Variants in LRRC53 observed in about 807,000 individuals in gnomAD.
LRRC53 encodes the protein leucine-rich repeat-containing protein 53.
In LRRC53, 25 loss-of-function variants were observed where a neutral mutation model predicts 13.6. The observed-to-expected ratio is 1.83, with a 90% CI of 1.34 to 2.56. The LOEUF (loss-of-function observed/expected upper bound fraction) is 2.56, where lower values mean the gene tolerates loss of function less well. Ranked by LOEUF, LRRC53 falls within the 30% of genes most tolerant of loss-of-function variation. The pLI is 0.00. For missense variants in LRRC53, 527 were observed against 275.8 expected (o/e 1.91, Z -6.45); for synonymous variants, 204 against 109.8 (o/e 1.86, Z -5.37).
At chr1:74,477,817 A>G (rs1352547154) in intron 3 of LRRC53, among the ~76,000 whole-genome samples, 1 of 152,202 alleles carries the variant, frequency 6.6e-6, no homozygotes, top group Non-Finnish European at 1.5e-5. Context: ...TTTCTTTGCC[A>G]TGGGCATTGT....
chr1:74,486,572 A>G (rs1668780746), intron 1 of LRRC53, among the ~76,000 whole-genome samples: 1 of 148,998 alleles, frequency 6.7e-6, no homozygotes, highest in Non-Finnish European at 1.5e-5. Context: ...GGGAAAGGCT[A>G]TAAATATAAT....
upstream of LRRC53, among the ~76,000 whole-genome samples, chr1:74,517,605 G>A (rs1248245743): frequency 6.6e-6 from 1 of 152,178 alleles, no homozygotes; most frequent in Non-Finnish European, 1.5e-5. Flanking sequence ...TAAGCATTAT[G>A]TATAATCTGC....
chr1:74,473,592 A>C (rs1668045132), intron 4 of LRRC53, among the ~76,000 whole-genome samples: 1 of 151,834 alleles, frequency 6.6e-6, no homozygotes, highest in South Asian at 2.1e-4. Context: ...CTTTTAGTAG[A>C]CAGGAGATGT....
chr1:74,507,187 A>G (rs1315289850), intron 1 of LRRC53, among the ~76,000 whole-genome samples: 2 of 151,878 alleles, frequency 1.3e-5, no homozygotes, highest in Non-Finnish European at 2.9e-5. Context: ...AAAATTTGCA[A>G]ATATCACACA....
At chr1:74,503,195 T>A (rs552794538) in intron 1 of LRRC53, among the ~76,000 whole-genome samples, 2 of 151,902 alleles carry the variant, frequency 1.3e-5, no homozygotes, top group African/African-American at 4.8e-5. Flanking sequence ...AGTCCAAGAG[T>A]TTTTCAGGGC....
the LRRC53 span, among the ~76,000 whole-genome samples, chr1:74,518,586 A>G: frequency 7.2e-4 from 110 of 152,250 alleles, 1 homozygote; most frequent in African/African-American, 2.5e-3. Context: ...GACGAAGCTT[A>G]TGGTTCCCGT....
At chr1:74,496,030 CA>C (rs1250704431) in intron 1 of LRRC53, among the ~76,000 whole-genome samples, 1 of 152,186 alleles carries the variant, frequency 6.6e-6, no homozygotes, top group African/African-American at 2.4e-5. Context: ...ACTTTGGCTG[CA>C]CATTAGAATC....
intron 1 of LRRC53, among the ~76,000 whole-genome samples, chr1:74,509,680 TAG>T (rs1557616529): frequency 6.6e-6 from 1 of 150,700 alleles, no homozygotes; most frequent in Non-Finnish European, 1.5e-5. Context: ...TGTTAAGGAA[TAG>T]AGTGTTGTGT....
intron 1 of LRRC53, among the ~76,000 whole-genome samples, chr1:74,488,474 G>A (rs1668878945): frequency 6.6e-6 from 1 of 152,080 alleles, no homozygotes; most frequent in African/African-American, 2.4e-5. Context: ...GAAATGATAG[G>A]GTGTATAGTT....
At chr1:74,473,656 A>G (rs1396828212) in intron 4 of LRRC53, among the ~76,000 whole-genome samples, 2 of 152,036 alleles carry the variant, frequency 1.3e-5, no homozygotes, top group Admixed American at 1.3e-4. Context: ...CCCAAGAGGT[A>G]AACTAAGTTC....
intron 1 of LRRC53, among the ~76,000 whole-genome samples, chr1:74,501,388 T>C (rs1468962890): frequency 6.6e-6 from 1 of 152,240 alleles, no homozygotes; most frequent in Non-Finnish European, 1.5e-5. Context: ...ACTTTTCTTC[T>C]TTTATTTCTT....
chr1:74,517,170 C>T (rs2100399779), upstream of LRRC53, among the ~76,000 whole-genome samples: 1 of 152,104 alleles, frequency 6.6e-6, no homozygotes, highest in African/African-American at 2.4e-5. Context: ...CTATATGCAA[C>T]ATATCTTGTA....
rs866736756 is a variant in LRRC53, at chr1:74,481,001, G to A, written c.89-33C>T. On this transcript the variant is annotated intron_variant, in intron 2 of 4. Transcript: ENST00000294635. ...GAAAAAAGCACAGACTAGATGCAGGGTACACATGAGTGGGAGGGAGGGGGT... is the reference window on the plus strand; with the variant it reads ...GAAAAAAGCACAGACTAGATGCAGGATACACATGAGTGGGAGGGAGGGGGT... 83 of 673,938 alleles carry A rather than the reference G, an allele frequency of 1.2e-4. No individual in the cohort carries two copies. The Middle Eastern group carries it at 6.1e-3, about 50-fold the overall frequency. The allele number at this position is 673,938 out of a possible 1,614,324, so 41.7% of individuals were successfully genotyped here. A position where few individuals can be genotyped will look rare whatever the true frequency, so the allele number is the denominator to read the frequency against.
intron 1 of LRRC53, among the ~76,000 whole-genome samples, chr1:74,507,605 A>G (rs998225507): frequency 3.3e-5 from 5 of 152,158 alleles, no homozygotes; most frequent in African/African-American, 1.2e-4. Flanking sequence ...TTCTGGCCCC[A>G]AAGTCTCTTT....
intron 1 of LRRC53, among the ~76,000 whole-genome samples, chr1:74,501,474 G>GTGTTTGTTTGTTTGTT (rs71588835): frequency 4.3e-4 from 65 of 149,942 alleles, no homozygotes; most frequent in East Asian, 1.6e-3. Flanking sequence ...TTTTTGTTTT[G>GTGTTTGTTTGTTTGTT]TGTTTGTTTG....
intron 4 of LRRC53, among the ~76,000 whole-genome samples, chr1:74,474,005 A>C (rs1168163870): frequency 6.6e-6 from 1 of 152,110 alleles, no homozygotes; most frequent in Non-Finnish European, 1.5e-5. Flanking sequence ...TTTTCTCCTC[A>C]AATACCTGCC....
At chr1:74,501,941 A>T (rs1211917555) in intron 1 of LRRC53, among the ~76,000 whole-genome samples, 1 of 152,084 alleles carries the variant, frequency 6.6e-6, no homozygotes, top group Non-Finnish European at 1.5e-5. Context: ...TAAGATATTT[A>T]TCCTCTGCAT....
intron 1 of LRRC53, chr1:74,492,351 C>T: frequency 7.4e-7 from 1 of 1,347,502 alleles, no homozygotes; most frequent in Non-Finnish European, 9.6e-7. Context: ...TTACTATTAA[C>T]AGGGTTTGAT....
chr1:74,512,819 C>A (rs1157913517), upstream of LRRC53, among the ~76,000 whole-genome samples: 1 of 152,176 alleles, frequency 6.6e-6, no homozygotes, highest in Admixed American at 6.5e-5. Flanking sequence ...ATACTGTATT[C>A]TTCAAAATGG....
Sources: gnomAD v4.1 joint callset for allele counts (sites outside exome capture counted in the v4.1 genomes callset) on GRCh38, gnomAD v4.1.1 for gene constraint, MANE v1.5 for transcripts, NCBI Gene and HGNC (gene_info 2026-07-23, HGNC 2026-07-21) for gene names.